ALPK2: variants seen among roughly 807,000 people sequenced by gnomAD.
ALPK2 encodes the protein alpha-protein kinase 2.
ALPK2 carries 127 observed loss-of-function variants against 163.1 expected under a neutral mutation model. That is an observed-to-expected ratio of 0.78 (90% CI 0.67 to 0.90). The LOEUF is 0.90. Ranked by LOEUF, ALPK2 falls within the 40% of genes least tolerant of loss-of-function variation. The pLI, the probability that ALPK2 is intolerant of heterozygous loss-of-function variation, is 0.00. For missense variants in ALPK2, 2,360 were observed against 2,589.6 expected (o/e 0.91, Z 1.92); for synonymous variants, 953 against 959.1 (o/e 0.99, Z 0.12).
At chr18:58,609,029 C>T (rs988090904) in intron 2 of ALPK2, among the ~76,000 whole-genome samples, 1 of 151,716 alleles carries the variant, frequency 6.6e-6, no homozygotes, top group Non-Finnish European at 1.5e-5. Context: ...AAACGAAGTA[C>T]AGAGGGAAGA....
At position 58,565,760 on chromosome 18, in the gene ALPK2, TTCCTTCCTTC is replaced by T. The variant is rs2144181654; in HGVS notation, c.1962+13044_1962+13053del. Among the ~76,000 whole-genome samples the T allele has an allele frequency of 3.4e-5, 5 of 148,418 alleles. No individual in the cohort carries two copies. The South Asian group carries it at 1.1e-3, about 33-fold the overall frequency. On this transcript the variant is annotated intron_variant, in intron 4 of 12. Transcript: ENST00000361673. Reference sequence around the variant, plus strand: ...CTTCCTTCCTTCCTTCCTTCCTTCCTTCCTTCCTTCCTTTCTTTCTTTCTTTCTTCCTTTC... The same window carrying T: ...CTTCCTTCCTTCCTTCCTTCCTTCCTCTTTCTTTCTTTCTTTCTTCCTTTC...
At chr18:58,488,184 T>C (rs2051350282) in intron 12 of ALPK2, among the ~76,000 whole-genome samples, 1 of 152,160 alleles carries the variant, frequency 6.6e-6, no homozygotes, top group African/African-American at 2.4e-5. Flanking sequence ...ATCTTATGTT[T>C]ATGAAGTTAG....
At chr18:58,553,732 A>T (rs1056117192) in intron 4 of ALPK2, among the ~76,000 whole-genome samples, 1 of 148,954 alleles carries the variant, frequency 6.7e-6, no homozygotes, top group Admixed American at 6.7e-5. Flanking sequence ...CTTCCCCTTC[A>T]CCTTCTGCCG....
rs574202609 is a variant in ALPK2 at position 58,537,543 on chromosome 18, C to T, written c.2644G>A (p.Gly882Ser). 4.3e-6 allele frequency: 7 copies of T among 1,613,904 alleles called. No individual in the cohort carries two copies. The highest frequency in any genetic ancestry group is 3.3e-5 in the South Asian group (3 of 91,058). ...SVSTCKSSKD[G>S]NSVMSPLFTS... ...AAAAGAGGGGACATGACTGAGTTGC[C>T]GTCCTTGCTGCTTTTGCACGTAGAC... is the stretch of plus-strand genomic sequence containing the variant. Residue 882 changes from glycine to serine, a missense_variant, in exon 5 of 13, where the codon GGC becomes AGC. Gly to Ser is a moderately conservative substitution (Grantham distance 56). Coordinates refer to ENST00000361673, the MANE Select transcript of ALPK2 (RefSeq NM_052947.4).
chr18:58,488,904 G>A (rs368117785), intron 12 of ALPK2, among the ~76,000 whole-genome samples: 103 of 152,242 alleles, frequency 6.8e-4, no homozygotes, highest in African/African-American at 2.4e-3. Context: ...AGAGATTCCC[G>A]GAGTGCCACT....
At chr18:58,564,123 C>T (rs116766819) in intron 4 of ALPK2, among the ~76,000 whole-genome samples, 73 of 102,428 alleles carry the variant, frequency 7.1e-4, no homozygotes, top group African/African-American at 1.2e-3. Flanking sequence ...TGTCTTTGTT[C>T]TTTTTTTTTT....
Position 58,535,698 on chromosome 18 carries a change from G to T in ALPK2, c.4489C>A (p.Pro1497Thr), listed in dbSNP as rs773466758. The change falls in exon 5 of 13, where the codon CCC becomes ACC. Residue 1497 changes from proline to threonine, a missense_variant. Physicochemically the swap from Pro to Thr is conservative, Grantham distance 38. Coordinates refer to ENST00000361673, the MANE Select transcript of ALPK2 (RefSeq NM_052947.4). ...GGAATTCTTTCACCGCCTTCGCTGG[G>T]TTGCAGGACTTGCCAAATGGCAGTT... is the stretch of plus-strand genomic sequence containing the variant. ...AKTAIWQVLQ[P>T]SEGGERIPSG... The T allele has an allele frequency of 6.2e-7, 1 of 1,614,226 alleles. No homozygotes were observed. The highest frequency in any genetic ancestry group is 8.5e-7 in the Non-Finnish European group (1 of 1,180,040).
intron 4 of ALPK2, among the ~76,000 whole-genome samples, chr18:58,540,255 C>T (rs1247939404): frequency 6.6e-6 from 1 of 151,780 alleles, no homozygotes. Flanking sequence ...CCCATTAAAG[C>T]TCTACACTTG....
In ALPK2 at chr18:58,537,562, C is replaced by T. The variant is rs56390741; in HGVS notation, c.2625G>A (p.Thr875=). The T allele has an allele frequency of 0.025, 40,306 of 1,613,944 alleles. 577 individuals carry two copies. Among genetic ancestry groups the T allele is most frequent in the Non-Finnish European group, 0.028 (33,390 of 1,179,876 alleles). The change falls in exon 5 of 13, where the codon ACG becomes ACA. Residue 875 remains threonine (T), a synonymous_variant. Transcript: ENST00000361673. The part of the protein sequence containing the change: ...QTQVSETSVS[T]CKSSKDGNSV... Reference sequence around the variant, plus strand: ...AGTTGCCGTCCTTGCTGCTTTTGCACGTAGACACTGAAGTCTCAGACACTT... The same window carrying T: ...AGTTGCCGTCCTTGCTGCTTTTGCATGTAGACACTGAAGTCTCAGACACTT...
intron 12 of ALPK2, among the ~76,000 whole-genome samples, chr18:58,493,081 G>T (rs1212671750): frequency 6.6e-6 from 1 of 152,184 alleles, no homozygotes; most frequent in Non-Finnish European, 1.5e-5. Context: ...GATGAAGATG[G>T]GATGCAGGTG....
rs1357960437 is a variant in ALPK2 at position 58,613,709 on chromosome 18, AATAATAAT to A, written c.-20-1900_-20-1893del. On this transcript the variant is annotated intron_variant, in intron 1 of 12. Coordinates refer to ENST00000361673, the MANE Select transcript of ALPK2 (RefSeq NM_052947.4). Reference sequence around the variant, plus strand: ...GCAAGACTCCATCTCAAAAAAAAAAAATAATAATAATAATAATAATAATAATAATAATA... The same window carrying A: ...GCAAGACTCCATCTCAAAAAAAAAAAAATAATAATAATAATAATAATAATA... Among the ~76,000 whole-genome samples the A allele has an allele frequency of 1.3e-3, 19 of 15,104 alleles. 1 individual carries two copies. Among genetic ancestry groups the A allele is most frequent in the African/African-American group, 3.8e-3 (14 of 3,650 alleles). 9.9% of individuals were successfully genotyped at this position (15,104 alleles called of 152,430 possible).
intron 12 of ALPK2, among the ~76,000 whole-genome samples, chr18:58,490,214 C>T (rs894247379): frequency 3.9e-5 from 6 of 152,204 alleles, no homozygotes; most frequent in African/African-American, 9.7e-5. Context: ...AGGGCGGGGA[C>T]GTGGTAGTGT....
At chr18:58,608,990 A>G in intron 2 of ALPK2, among the ~76,000 whole-genome samples, 1 of 151,998 alleles carries the variant, frequency 6.6e-6, no homozygotes, top group Non-Finnish European at 1.5e-5. Flanking sequence ...AGAAAAGAAA[A>G]AACGGAACTC....
chr18:58,616,357 C>G (rs1204978510), intron 1 of ALPK2, among the ~76,000 whole-genome samples: 1 of 152,182 alleles, frequency 6.6e-6, no homozygotes, highest in Non-Finnish European at 1.5e-5. Context: ...CAAGGCAGGA[C>G]TCTGTGGTCA....
intron 1 of ALPK2, among the ~76,000 whole-genome samples, chr18:58,625,021 C>A (rs147379465): frequency 1.8e-4 from 27 of 152,166 alleles, no homozygotes; most frequent in Admixed American, 1.3e-4. Context: ...TTTCCATATT[C>A]ATTCTTTCTC....
At chr18:58,518,562 GGCAAGAA>G (rs1384954483) in intron 8 of ALPK2, among the ~76,000 whole-genome samples, 1 of 152,166 alleles carries the variant, frequency 6.6e-6, no homozygotes, top group Non-Finnish European at 1.5e-5. Flanking sequence ...AAGAAGCAGA[GGCAAGAA>G]AGCTCTCTGC....
At chr18:58,606,551 A>T (rs1314951785) in intron 3 of ALPK2, among the ~76,000 whole-genome samples, 1 of 152,238 alleles carries the variant, frequency 6.6e-6, no homozygotes, top group Non-Finnish European at 1.5e-5. Context: ...GGCCAAGGTC[A>T]TACAGCAAGA....
chr18:58,595,920 C>A (rs879330308), intron 3 of ALPK2, among the ~76,000 whole-genome samples: 75 of 152,112 alleles, frequency 4.9e-4, no homozygotes, highest in Non-Finnish European at 8.5e-4. Flanking sequence ...AGGCTCTGAG[C>A]GGCAACATCT....
At chr18:58,539,869 A>G (rs899908048) in intron 4 of ALPK2, among the ~76,000 whole-genome samples, 6 of 152,334 alleles carry the variant, frequency 3.9e-5, no homozygotes, top group African/African-American at 1.2e-4. Context: ...CACTTCCCCC[A>G]GGCTGCTTAC....
Sources: gnomAD v4.1 joint callset for allele counts (sites outside exome capture counted in the v4.1 genomes callset) on GRCh38, gnomAD v4.1.1 for gene constraint, MANE v1.5 for transcripts, NCBI Gene and HGNC (gene_info 2026-07-23, HGNC 2026-07-21) for gene names.